The following FMN2 variants were observed in gnomAD, a reference collection of about 807,000 sequenced individuals.
FMN2 encodes the protein formin-2.
Under a neutral mutation model 142.3 loss-of-function variants are expected in FMN2, and 51 were observed. The ratio of observed to expected loss-of-function variants is 0.36; its 90% CI spans 0.29 to 0.45. The LOEUF (loss-of-function observed/expected upper bound fraction) is 0.45, where lower values mean the gene tolerates loss of function less well. FMN2 is among the 20% of genes least tolerant of loss of function. The pLI is 1.00. For missense variants in FMN2, 1,936 were observed against 2,122.8 expected, an observed-to-expected ratio of 0.91 and a Z score of 1.73; for synonymous variants, 882 against 869.8, an observed-to-expected ratio of 1.01 and a Z score of -0.25.
chr1:240,101,195 A>G (rs982258022), intron 1 of FMN2, among the ~76,000 whole-genome samples: 29 of 152,188 alleles, frequency 1.9e-4, no homozygotes, highest in Admixed American at 5.2e-4. Context: ...AGATTGGAAG[A>G]GTGAATGCAA....
In FMN2 at chr1:240,303,721, T is replaced by C. The variant is rs115659954; in HGVS notation, c.4215+8838T>C. 7.0e-3 allele frequency among the ~76,000 whole-genome samples: 1,072 copies of C among 152,278 alleles called. 11 individuals carry two copies. The highest frequency in any genetic ancestry group is 0.025 in the African/African-American group (1,031 of 41,572). The stretch of plus-strand genomic sequence containing the variant: ...ACATCTTTCATCAAATTGGACAAGT[T>C]TTCAGCCATTATTTTTTAAAAATAT... On this transcript the variant is annotated intron_variant, in intron 8 of 17. Coordinates refer to ENST00000319653, the MANE Select transcript of FMN2 (RefSeq NM_020066.5).
chr1:240,451,532 A>T (rs1031456963), intron 16 of FMN2, among the ~76,000 whole-genome samples: 3 of 151,940 alleles, frequency 2.0e-5, no homozygotes, highest in Non-Finnish European at 4.4e-5. Context: ...GGGAAATGAG[A>T]TGATTGGCGT....
At chr1:240,310,352 T>C (rs1009684351) in intron 8 of FMN2, among the ~76,000 whole-genome samples, 15 of 152,226 alleles carry the variant, frequency 9.9e-5, no homozygotes, top group Non-Finnish European at 1.8e-4. Flanking sequence ...AAGTATTTGT[T>C]ATACAAACCT....
At chr1:240,223,108 A>T (rs962258598) in intron 6 of FMN2, among the ~76,000 whole-genome samples, 17 of 152,142 alleles carry the variant, frequency 1.1e-4, no homozygotes, top group Admixed American at 6.5e-5. Flanking sequence ...TCAGTATGAT[A>T]TTGGCTGTGG....
intron 15 of FMN2, among the ~76,000 whole-genome samples, chr1:240,437,004 C>T (rs899891010): frequency 1.2e-4 from 19 of 152,164 alleles, no homozygotes; most frequent in Admixed American, 3.9e-4. Context: ...TCTCTTGCCA[C>T]GCGTTATCGA....
chr1:240,325,035 G>A (rs1205872659), intron 8 of FMN2, among the ~76,000 whole-genome samples: 1 of 152,016 alleles, frequency 6.6e-6, no homozygotes, highest in Non-Finnish European at 1.5e-5. Context: ...GTCAATCATC[G>A]CTGTGGTTGT....
At chr1:240,299,914 A>G (rs867930630) in intron 8 of FMN2, among the ~76,000 whole-genome samples, 1 of 152,190 alleles carries the variant, frequency 6.6e-6, no homozygotes, top group South Asian at 2.1e-4. Flanking sequence ...TTTTTACGCA[A>G]GACTAGTAGG....
intron 6 of FMN2, among the ~76,000 whole-genome samples, chr1:240,232,577 G>A (rs1667565341): frequency 1.3e-5 from 2 of 152,124 alleles, no homozygotes; most frequent in African/African-American, 4.8e-5. Flanking sequence ...ACTCTTTTCT[G>A]TATTCATGTT....
intron 6 of FMN2, among the ~76,000 whole-genome samples, chr1:240,236,447 T>C (rs1352595524): frequency 6.6e-6 from 1 of 152,218 alleles, no homozygotes; most frequent in Admixed American, 6.5e-5. Context: ...ACCCCTGTGT[T>C]AGTTTTGCAC....
chr1:240,211,111 T>C lies in FMN2; in HGVS notation c.3941T>C (p.Ile1314Thr). ...HSKRDSSTSL[I>T]WEKIEEPSID... is the part of the protein sequence containing the mutation. ...TTTAGAGACTCCAGTACTTCACTTA[T>C]TTGGGAAAAAATTGAAGAGCCATCC... The change falls in exon 6 of 18, where the codon ATT (isoleucine) becomes ACT (threonine). Residue 1314 changes from isoleucine (I) to threonine (T), a missense_variant. Around this residue, in one of 8 missense-constraint regions of FMN2, gnomAD observed 259 missense variants for 230.9 expected, o/e 1.12. Transcript: ENST00000319653. The C allele has an allele frequency of 1.2e-6, 2 of 1,612,562 alleles. No individual in the cohort carries two copies. Among genetic ancestry groups the C allele is most frequent in the Non-Finnish European group, 1.7e-6 (2 of 1,179,784 alleles).
chr1:240,179,317 C>T (rs1052670779), intron 3 of FMN2: 1 of 152,144 alleles, frequency 6.6e-6, no homozygotes, highest in African/African-American at 2.4e-5. Context: ...CTGCACTTGC[C>T]TCCCATTTGC....
chr1:240,441,211 T>G (rs538979014), intron 16 of FMN2, among the ~76,000 whole-genome samples: 3 of 152,178 alleles, frequency 2.0e-5, no homozygotes, highest in African/African-American at 4.8e-5. Flanking sequence ...GCCAGGATGG[T>G]CTCCATCTCT....
chr1:240,277,353 C>G (rs372757455), intron 7 of FMN2, among the ~76,000 whole-genome samples: 4 of 150,818 alleles, frequency 2.7e-5, no homozygotes, highest in Non-Finnish European at 5.9e-5. Context: ...ATGATCAATC[C>G]GTTTAAGACC....
intron 16 of FMN2, among the ~76,000 whole-genome samples, chr1:240,451,839 T>A (rs1393994266): frequency 6.8e-6 from 1 of 146,356 alleles, no homozygotes; most frequent in Non-Finnish European, 1.5e-5. Context: ...GTATTTTGCT[T>A]TGTTATTTTA....
chr1:240,257,165 T>C (rs186528714), intron 6 of FMN2, among the ~76,000 whole-genome samples: 1 of 152,222 alleles, frequency 6.6e-6, no homozygotes. Flanking sequence ...TTCCTGGTGA[T>C]GCTGTTGTCT....
intron 13 of FMN2, among the ~76,000 whole-genome samples, chr1:240,335,870 A>C (rs951048372): frequency 1.3e-5 from 2 of 152,134 alleles, no homozygotes; most frequent in Non-Finnish European, 2.9e-5. Context: ...CCGGCCAGGC[A>C]TGGTGGCTCA....
intron 1 of FMN2, among the ~76,000 whole-genome samples, chr1:240,112,656 G>A (rs1661860167): frequency 1.3e-5 from 2 of 152,336 alleles, no homozygotes; most frequent in South Asian, 4.1e-4. Flanking sequence ...CTATAGAGAT[G>A]ATTTTATCAG....
intron 16 of FMN2, among the ~76,000 whole-genome samples, chr1:240,466,200 C>T (rs1021069604): frequency 6.6e-6 from 1 of 152,124 alleles, no homozygotes; most frequent in Admixed American, 6.5e-5. Context: ...TTTATTCTCT[C>T]ACATATTCCT....
chr1:240,248,673 A>T (rs1273120121), intron 6 of FMN2, among the ~76,000 whole-genome samples: 1 of 151,748 alleles, frequency 6.6e-6, no homozygotes, highest in African/African-American at 2.4e-5. Context: ...AAATATTTCC[A>T]TATTGTTTTC....
Sources: allele counts gnomAD v4.1 joint callset (sites outside exome capture counted in the v4.1 genomes callset), GRCh38; gene constraint gnomAD v4.1.1; regional missense constraint gnomAD v4.1.1; transcripts MANE v1.5; gene names NCBI Gene and HGNC (gene_info 2026-07-23, HGNC 2026-07-21).